NOTCH4: variants seen among roughly 807,000 people sequenced by gnomAD.
NOTCH4 encodes the protein notch receptor 4, also known as neurogenic locus notch homolog protein 4.
A neutral mutation model predicts 189.0 loss-of-function variants in NOTCH4; 138 were observed. The ratio of observed to expected loss-of-function variants is 0.73; its 90% CI spans 0.64 to 0.84. The LOEUF is 0.84. Ranked by LOEUF, NOTCH4 falls within the 40% of genes least tolerant of loss-of-function variation. The pLI, the probability that NOTCH4 is intolerant of heterozygous loss-of-function variation, is 0.00. For synonymous variants in NOTCH4, 942 were observed against 1,032.8 expected (o/e 0.91, Z 1.69); for missense variants, 2,286 against 2,605.4 (o/e 0.88, Z 2.67).
intron 18 of NOTCH4, among the ~76,000 whole-genome samples, chr6:32,207,709 G>C (rs1353694490): frequency 6.6e-6 from 1 of 150,648 alleles, no homozygotes; most frequent in Non-Finnish European, 1.5e-5. Context: ...AGCCTTACAT[G>C]TACAGCTGGA....
chr6:32,208,717 C>T (rs1397922053), intron 18 of NOTCH4, among the ~76,000 whole-genome samples: 1 of 151,862 alleles, frequency 6.6e-6, no homozygotes, highest in East Asian at 1.9e-4. Flanking sequence ...CTGGGCAACA[C>T]AGCAAGACTC....
rs200141170 is a variant in NOTCH4 at position 32,198,889 on chromosome 6, C to T, written c.4535+37G>A. The T allele has an allele frequency of 1.3e-3, 2,009 of 1,505,720 alleles. 3 individuals carry two copies. Among genetic ancestry groups the T allele is most frequent in the Non-Finnish European group, 1.7e-3 (1,901 of 1,118,072 alleles). The allele number at this position is 1,505,720 out of a possible 1,614,324, so 93.3% of individuals were successfully genotyped here. ...ATTGTAAATATCGCCATAGGAGAGA[C>T]TCCCCTTCCTGAGCCTGGGTTTCTC... On this transcript the variant is annotated intron_variant, in intron 24 of 29. Transcript: ENST00000375023. This position sits in a 1 kb window ranked among gnomAD's most constrained non-coding sequence, Gnocchi z 5.5.
chr6:32,202,027 C>T lies in NOTCH4; in HGVS notation c.3755+49G>A. 3 of 1,422,254 alleles carry T rather than the reference C, an allele frequency of 2.1e-6. No homozygotes were observed. Among genetic ancestry groups the T allele is most frequent in the Non-Finnish European group, 2.8e-6 (3 of 1,080,370 alleles). The allele number at this position is 1,422,254 out of a possible 1,614,324, so 88.1% of individuals were successfully genotyped here. ...AGAGCCATCTACGTCCTTCCTCCTC[C>T]TCTCACCCACCCCTCTCCTTCCCTG... On this transcript the variant is annotated intron_variant, in intron 21 of 29. Coordinates refer to ENST00000375023, the MANE Select transcript of NOTCH4 (RefSeq NM_004557.4). This position sits in a 1 kb window ranked among gnomAD's most constrained non-coding sequence, Gnocchi z 5.7.
intron 18 of NOTCH4, among the ~76,000 whole-genome samples, chr6:32,207,583 C>T (rs1477887469): frequency 1.3e-5 from 2 of 150,846 alleles, no homozygotes; most frequent in Admixed American, 6.6e-5. Context: ...GAGATCATAC[C>T]ACTGCACTCC....
intron 1 of NOTCH4, 152 bp from the exon 2 acceptor site, chr6:32,223,238 A>G (rs1789907252): frequency 8.9e-6 from 6 of 671,198 alleles, no homozygotes; most frequent in East Asian, 5.3e-5. Context: ...TCCACATGGT[A>G]CCCAGCCCCA....
chr6:32,202,381 C>T lies in NOTCH4; in HGVS notation c.3450G>A (p.Thr1150=), dbSNP rs541604461. The T allele has an allele frequency of 8.6e-5, 138 of 1,612,718 alleles. No individual in the cohort carries two copies. Among genetic ancestry groups the T allele is most frequent in the Middle Eastern group, 1.7e-4 (1 of 6,058 alleles). ...CLYNGSCSET[T]GLGGPGFRCS... is the part of the protein sequence containing the mutation. Reference sequence around the variant, plus strand: ...ATCGAAAGCCTGGGCCCCCCAAGCCCGTGGTCTCTGAGCAGCTGCCATTGT... The same window carrying T: ...ATCGAAAGCCTGGGCCCCCCAAGCCTGTGGTCTCTGAGCAGCTGCCATTGT... The change falls in exon 21 of 30, where the codon ACG becomes ACA. Residue 1150 remains threonine (T), a synonymous_variant. Coordinates refer to ENST00000375023, the MANE Select transcript of NOTCH4 (RefSeq NM_004557.4). This position sits in a 1 kb window ranked among gnomAD's most constrained non-coding sequence, Gnocchi z 5.7.
rs2127490952 is a variant in NOTCH4, at chr6:32,222,676, G to C, written c.286C>G (p.Pro96Ala). 6.2e-7 allele frequency: 1 copy of C among 1,604,794 alleles called. No homozygotes were observed. Among genetic ancestry groups the C allele is most frequent in the Non-Finnish European group, 8.5e-7 (1 of 1,177,464 alleles). Residue 96 changes from proline (P) to alanine (A), a missense_variant, in exon 3 of 30, where the codon CCA (proline) becomes GCA (alanine). Coordinates refer to ENST00000375023, the MANE Select transcript of NOTCH4 (RefSeq NM_004557.4). Reference sequence around the variant, plus strand: ...GTGCACAAGAAGCTGGGTGTCAATGGAGAGGGAGAGCTGGGGAGCCCTAGG... The same window carrying C: ...GTGCACAAGAAGCTGGGTGTCAATGCAGAGGGAGAGCTGGGGAGCCCTAGG... ...APLGLPSSPSPLTPSFLCTCL... is the reference protein window; with the variant it reads ...APLGLPSSPSALTPSFLCTCL...
chr6:32,216,701 C>G, intron 11 of NOTCH4: 2 of 601,974 alleles, frequency 3.3e-6, no homozygotes, highest in Non-Finnish European at 5.9e-6. Flanking sequence ...TTCTTTGAGC[C>G]CCGTCCTCTG....
rs780794158 is a variant in NOTCH4 at position 32,197,402 on chromosome 6, G to C, written c.4949C>G (p.Ala1650Gly). 4.3e-5 allele frequency: 66 copies of C among 1,541,896 alleles called. No individual in the cohort carries two copies. The highest frequency in any genetic ancestry group is 5.6e-5 in the Non-Finnish European group (64 of 1,143,948). Residue 1650 changes from alanine to glycine, a missense_variant, in exon 27 of 30, where the codon GCC becomes GGC. Physicochemically the swap from Ala to Gly is moderately conservative, Grantham distance 60 (BLOSUM62 0). Around this residue, in one of 2 missense-constraint regions of NOTCH4, gnomAD observed 1,903 missense variants for 2,261.9 expected, o/e 0.84. Coordinates refer to ENST00000375023, the MANE Select transcript of NOTCH4 (RefSeq NM_004557.4). Reference protein sequence around the residue: ...LAARFSRPTAARRLLEAGANP... With the variant: ...LAARFSRPTAGRRLLEAGANP... ...GGCTCCAGCCTCAAGGAGGCGGCGG[G>C]CAGCGGTTGGCCGGGAGAATCGGGC... is the stretch of plus-strand genomic sequence containing the variant.
At chr6:32,214,720 TG>T (rs1461086895) in intron 12 of NOTCH4, among the ~76,000 whole-genome samples, 1 of 151,818 alleles carries the variant, frequency 6.6e-6, no homozygotes, top group Non-Finnish European at 1.5e-5. Context: ...CTCCGCCTCT[TG>T]GGTTCAAGTG....
intron 18 of NOTCH4, among the ~76,000 whole-genome samples, chr6:32,205,738 G>T (rs773555906): frequency 5.3e-5 from 8 of 150,564 alleles, no homozygotes; most frequent in African/African-American, 7.3e-5. Context: ...ATCAAAAGTT[G>T]TGGTTCTGGC....
Position 32,217,405 on chromosome 6 carries a change from A to G in NOTCH4, c.1625-139T>C. 1.6e-6 allele frequency: 1 copy of G among 624,224 alleles called. No homozygotes were observed. Among genetic ancestry groups the G allele is most frequent in the Non-Finnish European group, 2.9e-6 (1 of 349,834 alleles). 38.7% of individuals were successfully genotyped at this position (624,224 alleles called of 1,614,324 possible). The stretch of plus-strand genomic sequence containing the variant: ...CTGGGGCAGGTGAGCGTGGGGTGAC[A>G]GGAGATGATGCAGAAAAGGTGAAGC... On this transcript the variant is annotated intron_variant, in intron 9 of 29. Transcript: ENST00000375023. The surrounding 1 kb of genome is among the most constrained non-coding windows in gnomAD (Gnocchi z 4.2).
At position 32,201,098 on chromosome 6, in the gene NOTCH4, C is replaced by T. The variant is rs368487059; in HGVS notation, c.4139+19G>A. On this transcript the variant is annotated intron_variant, in intron 22 of 29. Coordinates refer to ENST00000375023, the MANE Select transcript of NOTCH4 (RefSeq NM_004557.4). The surrounding 1 kb of genome is among the most constrained non-coding windows in gnomAD (Gnocchi z 5.5). The stretch of plus-strand genomic sequence containing the variant: ...TAAAAAAACTGGTGTCTGGCCCTTC[C>T]CTCCACCTAGCTTCTTACCCAGCAC... 8.4e-5 allele frequency: 134 copies of T among 1,595,372 alleles called. No individual in the cohort carries two copies. Among genetic ancestry groups the T allele is most frequent in the Non-Finnish European group, 1.1e-4 (132 of 1,170,724 alleles).
chr6:32,201,313 G>A lies in NOTCH4; in HGVS notation c.3943C>T (p.Leu1315=), dbSNP rs1012468572. Residue 1315 remains leucine, a synonymous_variant, in exon 22 of 30, where the codon CTG becomes TTG. Coordinates refer to ENST00000375023, the MANE Select transcript of NOTCH4 (RefSeq NM_004557.4). The surrounding 1 kb of genome is among the most constrained non-coding windows in gnomAD (Gnocchi z 5.5). ...PPALDQQLFA[L]ARVLSLTLRV... Reference sequence around the variant, plus strand: ...AGAGTCAGGGACAGCACCCGGGCCAGGGCAAACAGCTGCTGGTCTAGGGCT... The same window carrying A: ...AGAGTCAGGGACAGCACCCGGGCCAAGGCAAACAGCTGCTGGTCTAGGGCT... 2 of 1,612,834 alleles carry A rather than the reference G, an allele frequency of 1.2e-6. No homozygotes were observed. Among genetic ancestry groups the A allele is most frequent in the Non-Finnish European group, 1.7e-6 (2 of 1,179,896 alleles).
In NOTCH4 at chr6:32,217,924, T is replaced by G. The variant is rs1789515306; in HGVS notation, c.1624+71A>C. ...GAGAGCTTCAAGTGGCCTTGGGTGA[T>G]TGCTGAGCCTGAACTCTGCAGGTTC... On this transcript the variant is annotated intron_variant, in intron 9 of 29. Transcript: ENST00000375023. This position sits in a 1 kb window ranked among gnomAD's most constrained non-coding sequence, Gnocchi z 4.2. The G allele has an allele frequency of 9.9e-7, 1 of 1,009,730 alleles. No homozygotes were observed. The highest frequency in any genetic ancestry group is 1.5e-6 in the Non-Finnish European group (1 of 647,320). 62.5% of individuals were successfully genotyped at this position (1,009,730 alleles called of 1,614,324 possible).
At position 32,207,638 on chromosome 6, in the gene NOTCH4, CCA is replaced by C. The variant is rs1554148832; in HGVS notation, c.2865+3112_2865+3113del. On this transcript the variant is annotated intron_variant, in intron 18 of 29. Coordinates refer to ENST00000375023, the MANE Select transcript of NOTCH4 (RefSeq NM_004557.4). ...CAGAGCAAGACTCTATCCCCCCCCC[CCA>C]AAAAAAAAGAAAAAAAGAAACTAAA... Among the ~76,000 whole-genome samples, 219 of 123,416 alleles carry C rather than the reference CCA, an allele frequency of 1.8e-3. 1 individual carries two copies. The highest frequency in any genetic ancestry group is 8.3e-3 in the Middle Eastern group (2 of 240). 81.0% of individuals were successfully genotyped at this position (123,416 alleles called of 152,430 possible).
At chr6:32,211,267 C>A in intron 17 of NOTCH4, among the ~76,000 whole-genome samples, 1 of 129,592 alleles carries the variant, frequency 7.7e-6, no homozygotes, top group Admixed American at 7.6e-5. Context: ...CTCAAACAAA[C>A]AAACAAACAA....
At chr6:32,209,880 C>T (rs903799319) in intron 18 of NOTCH4, among the ~76,000 whole-genome samples, 3 of 142,152 alleles carry the variant, frequency 2.1e-5, no homozygotes, top group Admixed American at 7.3e-5. Flanking sequence ...GACTCTGTCT[C>T]CAAAAACGAG....
intron 3 of NOTCH4, 28 bp downstream of exon 3, chr6:32,222,483 C>T (rs746132590): frequency 8.0e-6 from 12 of 1,494,308 alleles, no homozygotes; most frequent in Non-Finnish European, 1.1e-5. Context: ...CTGCCTGTCC[C>T]CTCCTGGCTG....
Sources: allele counts gnomAD v4.1 joint callset (sites outside exome capture counted in the v4.1 genomes callset), GRCh38; gene constraint gnomAD v4.1.1; regional missense constraint gnomAD v4.1.1; non-coding constraint Gnocchi (gnomAD v3.1); transcripts MANE v1.5; gene names NCBI Gene and HGNC (gene_info 2026-07-23, HGNC 2026-07-21).